The following TRPM3 variants were observed in gnomAD, a reference collection of about 807,000 sequenced individuals.
The protein encoded by TRPM3 is long transient receptor potential channel 3.
TRPM3 carries 77 observed loss-of-function variants against 181.2 expected under a neutral mutation model. The observed-to-expected ratio is 0.42, with a 90% CI of 0.35 to 0.51. The LOEUF (loss-of-function observed/expected upper bound fraction) is 0.51. Among genes scored for constraint, TRPM3 ranks in the 20% least tolerant of loss-of-function variants. The pLI is 0.01. For missense variants in TRPM3, 1,759 were observed against 2,196.7 expected (o/e 0.80, Z 3.98); for synonymous variants, 745 against 796.4 (o/e 0.94, Z 1.09).
chr9:71,055,172 G>A (rs1344296519), intron 1 of TRPM3, among the ~76,000 whole-genome samples: 1 of 152,056 alleles, frequency 6.6e-6, no homozygotes, highest in Non-Finnish European at 1.5e-5. Context: ...TCAAGAGGTG[G>A]TTCGGACAGG....
chr9:70,579,955 C>T (rs116093767), intron 22 of TRPM3, among the ~76,000 whole-genome samples: 3 of 152,226 alleles, frequency 2.0e-5, no homozygotes, highest in Non-Finnish European at 2.9e-5. Context: ...TCAGCTTCCA[C>T]GTCACCTGCC....
rs2041518729 is a variant in TRPM3, at chr9:70,535,542, T to C, written c.*411A>G. 5 of 1,545,146 alleles carry C rather than the reference T, an allele frequency of 3.2e-6. 1 individual carries two copies. Among genetic ancestry groups the C allele is most frequent in the Admixed American group, 4.0e-5 (2 of 50,470 alleles). On this transcript the variant is annotated 3_prime_UTR_variant, in exon 26 of 26. Coordinates refer to ENST00000677713, the MANE Select transcript of TRPM3 (RefSeq NM_001366145.2). ...ATTGTGTACGCTGGCTATTTTATTT[T>C]ATTTTGCAATTTAGCCCTGCATCCT...
intron 1 of TRPM3, among the ~76,000 whole-genome samples, chr9:71,408,333 C>A (rs1413830923): frequency 1.3e-5 from 2 of 152,034 alleles, no homozygotes; most frequent in East Asian, 1.9e-4. Context: ...TTGAACCCAT[C>A]GCAAGAAAGC....
At chr9:71,410,529 A>C (rs891000713) in intron 1 of TRPM3, among the ~76,000 whole-genome samples, 2 of 152,218 alleles carry the variant, frequency 1.3e-5, no homozygotes, top group African/African-American at 4.8e-5. Context: ...AAATTCCTGG[A>C]CACATGCACC....
At chr9:70,929,948 T>C (rs911352809) in intron 1 of TRPM3, among the ~76,000 whole-genome samples, 2 of 152,216 alleles carry the variant, frequency 1.3e-5, no homozygotes, top group Non-Finnish European at 2.9e-5. Flanking sequence ...TGGATGTACA[T>C]AATATGATTG....
chr9:70,887,113 A>G (rs1373669119), intron 1 of TRPM3, among the ~76,000 whole-genome samples: 1 of 152,308 alleles, frequency 6.6e-6, no homozygotes, highest in East Asian at 1.9e-4. Flanking sequence ...CCTAACTCCT[A>G]CATCACTTGG....
chr9:71,225,973 AC>A (rs1469316708), intron 1 of TRPM3, among the ~76,000 whole-genome samples: 1 of 147,016 alleles, frequency 6.8e-6, no homozygotes, highest in African/African-American at 2.5e-5. Context: ...CAAGACATAG[AC>A]AGTACAATAA....
chr9:71,227,169 G>C (rs923174982), intron 1 of TRPM3, among the ~76,000 whole-genome samples: 1 of 148,942 alleles, frequency 6.7e-6, no homozygotes, highest in South Asian at 2.1e-4. Context: ...GACCATAATG[G>C]AATAAAACTA....
At chr9:70,600,328 G>T (rs2059664777) in intron 20 of TRPM3, among the ~76,000 whole-genome samples, 1 of 152,152 alleles carries the variant, frequency 6.6e-6, no homozygotes, top group South Asian at 2.1e-4. Flanking sequence ...GAAAAGACTG[G>T]AGGCAGGTCT....
In TRPM3 at chr9:71,255,557, A is replaced by C. The variant is rs79349914; in HGVS notation, c.183+191096T>G. Among the ~76,000 whole-genome samples the C allele has an allele frequency of 6.2e-3, 946 of 152,324 alleles. 10 individuals are homozygous for C. The highest frequency in any genetic ancestry group is 0.022 in the African/African-American group (911 of 41,582). ...ATAAAAGACATAATGCTATATACAA[A>C]TGTAAGGTAAAAAAGAGACAAAACC... On this transcript the variant is annotated intron_variant, in intron 1 of 24. Transcript: ENST00000357533.
chr9:70,696,856 C>T (rs996508373), intron 8 of TRPM3, among the ~76,000 whole-genome samples: 3 of 152,160 alleles, frequency 2.0e-5, no homozygotes, highest in Non-Finnish European at 4.4e-5. Context: ...TGTAAGTCTA[C>T]CTGCCTGCCA....
In TRPM3 at chr9:71,202,420, T is replaced by A. The variant is rs925169163; in HGVS notation, c.183+244233A>T. On this transcript the variant is annotated intron_variant, in intron 1 of 24. Transcript: ENST00000357533. ...TTACTGCTGTCTTTTTGTTTGTCTC[T>A]AAGTTGGGCCTTTCTGTACCCCTCA... is the stretch of plus-strand genomic sequence containing the variant. 2.6e-5 allele frequency among the ~76,000 whole-genome samples: 4 copies of A among 152,182 alleles called. No homozygotes were observed. In the East Asian group the frequency reaches 7.7e-4, roughly 29 times the overall value.
chr9:70,555,117 C>A (rs761043948), intron 22 of TRPM3, among the ~76,000 whole-genome samples: 1 of 152,162 alleles, frequency 6.6e-6, no homozygotes, highest in African/African-American at 2.4e-5. Context: ...AAATGCCATG[C>A]GCTCTCTTAC....
chr9:70,581,048 A>C (rs1415506715), intron 22 of TRPM3, among the ~76,000 whole-genome samples: 1 of 152,226 alleles, frequency 6.6e-6, no homozygotes, highest in African/African-American at 2.4e-5. Context: ...AATCTGGAAA[A>C]TATTATAGCA....
intron 6 of TRPM3, among the ~76,000 whole-genome samples, chr9:70,823,929 A>G (rs183998901): frequency 6.6e-6 from 1 of 152,336 alleles, no homozygotes; most frequent in Admixed American, 6.5e-5. Flanking sequence ...ACTGATGATG[A>G]TGTTTCAGTC....
chr9:70,969,965 C>T (rs547439424), intron 1 of TRPM3, among the ~76,000 whole-genome samples: 3 of 151,794 alleles, frequency 2.0e-5, no homozygotes, highest in South Asian at 4.2e-4. Context: ...CACTATACAG[C>T]AAAATCAGTA....
chr9:71,059,525 C>T (rs1233897756), intron 1 of TRPM3, among the ~76,000 whole-genome samples: 2 of 152,118 alleles, frequency 1.3e-5, no homozygotes, highest in African/African-American at 2.4e-5. Context: ...GCTGGGCTAT[C>T]GTACCCAGTT....
In TRPM3 at chr9:70,688,855, T is replaced by G. The variant is rs146644378; in HGVS notation, c.1273-7277A>C. ...TCATGCCCCTATGATTCTCTAAGCTTAAGGCATTCCAGGATGCCACTTCCA... is the reference window on the plus strand; with the variant it reads ...TCATGCCCCTATGATTCTCTAAGCTGAAGGCATTCCAGGATGCCACTTCCA... On this transcript the variant is annotated intron_variant, in intron 8 of 25. Coordinates refer to ENST00000677713, the MANE Select transcript of TRPM3 (RefSeq NM_001366145.2). Among the ~76,000 whole-genome samples, 1,341 of 152,246 alleles carry G rather than the reference T, an allele frequency of 8.8e-3. 18 individuals are homozygous for G. Among genetic ancestry groups the G allele is most frequent in the African/African-American group, 0.031 (1,277 of 41,524 alleles).
intron 1 of TRPM3, among the ~76,000 whole-genome samples, chr9:71,293,449 A>G (rs2085993627): frequency 6.6e-6 from 1 of 151,920 alleles, no homozygotes; most frequent in African/African-American, 2.4e-5. Flanking sequence ...AGAAAAATGC[A>G]ATTTTAAAAT....
Sources: gnomAD v4.1 joint callset for allele counts (sites outside exome capture counted in the v4.1 genomes callset) on GRCh38, gnomAD v4.1.1 for gene constraint, MANE v1.5 for transcripts, NCBI Gene and HGNC (gene_info 2026-07-23, HGNC 2026-07-21) for gene names.